The following CHST5 variants were observed in gnomAD, a reference collection of about 807,000 sequenced individuals.
CHST5 encodes the protein carbohydrate sulfotransferase 5.
For synonymous variants in CHST5, 313 were observed against 279.2 expected (o/e 1.12, Z -1.21); for missense variants, 637 against 602.1 (o/e 1.06, Z -0.61).
intron 2 of CHST5, 31 bp from the exon 3 acceptor site, chr16:75,533,214 G>T (rs997986571): frequency 1.9e-5 from 13 of 702,284 alleles, no homozygotes; most frequent in Non-Finnish European, 3.4e-5. Flanking sequence ...CAGCACAGTG[G>T]ACAATTGGCC....
At chr16:75,535,088 G>A (rs557047862) in intron 2 of CHST5, 39 bp downstream of exon 2, 6 of 152,558 alleles carry the variant, frequency 3.9e-5, no homozygotes, top group African/African-American at 1.4e-4. Flanking sequence ...CCAACCGAGT[G>A]TGGGGACACC....
chr16:75,533,632 G>T (rs951111631), intron 2 of CHST5, among the ~76,000 whole-genome samples: 1 of 152,146 alleles, frequency 6.6e-6, no homozygotes, highest in African/African-American at 2.4e-5. Context: ...GGGCATCGCA[G>T]ACTTGGCCTC....
chr16:75,533,029 G>A (rs2080536264), intron 3 of CHST5, 60 bp downstream of exon 3: 1 of 666,146 alleles, frequency 1.5e-6, no homozygotes, highest in South Asian at 1.6e-5. Flanking sequence ...AGTTGTCCTG[G>A]CCAGCCCAGC....
intron 2 of CHST5, 87 bp downstream of exon 2, chr16:75,535,040 A>C (rs1286554807): frequency 2.6e-5 from 4 of 152,458 alleles, no homozygotes; most frequent in African/African-American, 9.6e-5. Flanking sequence ...TGCAGGACAG[A>C]GGAGCGTCAC....
intron 3 of CHST5, among the ~76,000 whole-genome samples, chr16:75,532,321 G>C (rs1179013629): frequency 3.3e-5 from 5 of 152,178 alleles, no homozygotes; most frequent in Admixed American, 1.3e-4. Flanking sequence ...AAGGAACACT[G>C]AGCCAGCCTC....
At chr16:75,532,972 G>C in intron 3 of CHST5, 117 bp downstream of exon 3, 1 of 565,344 alleles carries the variant, frequency 1.8e-6, no homozygotes, top group African/African-American at 1.9e-5. Context: ...TCCCACCTGT[G>C]ATTGCCCCCT....
rs747873201 is a variant in CHST5, at chr16:75,529,765, T to C, written c.620A>G (p.Tyr207Cys). ...GAGCGCGGGGTCGCTGAGCAGCGGG[T>C]AGAGCACCTGCAGGTTGAAGAAGCG... ...EVRFFNLQVL[Y>C]PLLSDPALNL... The change falls in exon 4 of 4, where the codon TAC (tyrosine) becomes TGC (cysteine). Residue 207 changes from tyrosine to cysteine, a missense_variant. Transcript: ENST00000336257. 1.2e-6 allele frequency: 2 copies of C among 1,613,136 alleles called. No individual in the cohort carries two copies. The highest frequency in any genetic ancestry group is 1.7e-6 in the Non-Finnish European group (2 of 1,179,802).
chr16:75,529,906 A>C lies in CHST5; in HGVS notation c.479T>G (p.Phe160Cys). The change falls in exon 4 of 4, where the codon TTT becomes TGT. Residue 160 changes from phenylalanine to cysteine, a missense_variant. Coordinates refer to ENST00000336257, the MANE Select transcript of CHST5 (RefSeq NM_024533.5). Reference protein sequence around the residue: ...ALCSPPACSAFPRGTISKQDV... With the variant: ...ALCSPPACSACPRGTISKQDV... ...CTGCTTGCTGATGGTGCCTCGGGGA[A>C]AGGCGCTGCAGGCGGGCGGCGAGCA... 1 of 1,613,446 alleles carries C rather than the reference A, an allele frequency of 6.2e-7. No homozygotes were observed. The highest frequency in any genetic ancestry group is 1.6e-4 in the Middle Eastern group (1 of 6,062).
chr16:75,530,773 G>A lies in CHST5; in HGVS notation c.-389C>T, dbSNP rs1397558016. The A allele has an allele frequency of 9.6e-7, 1 of 1,041,540 alleles. No individual in the cohort carries two copies. The highest frequency in any genetic ancestry group is 1.2e-6 in the Non-Finnish European group (1 of 855,280). 64.5% of individuals were successfully genotyped at this position (1,041,540 alleles called of 1,614,324 possible). On this transcript the variant is annotated 5_prime_UTR_variant, in exon 4 of 4. Coordinates refer to ENST00000336257, the MANE Select transcript of CHST5 (RefSeq NM_024533.5). ...GTCAGAGCACCACCAGGCTCGCCGA[G>A]GTTGAATCCTGGCTCTGCCACTTCC... is the stretch of plus-strand genomic sequence containing the variant.
At position 75,529,687 on chromosome 16, in the gene CHST5, C is replaced by T; in HGVS notation, c.698G>A (p.Arg233Gln). The stretch of plus-strand genomic sequence containing the variant: ...TGCCAGTATCGGGCCCGCCGCCTCC[C>T]GGGAGCGCAGCACGGCCCGCGGGTC... ...VRDPRAVLRS[R>Q]EAAGPILARD... The change falls in exon 4 of 4, where the codon CGG becomes CAG. Residue 233 changes from arginine (R) to glutamine (Q), a missense_variant. Coordinates refer to ENST00000336257, the MANE Select transcript of CHST5 (RefSeq NM_024533.5). 6.2e-7 allele frequency: 1 copy of T among 1,610,432 alleles called. No individual in the cohort carries two copies. Among genetic ancestry groups the T allele is most frequent in the Non-Finnish European group, 8.5e-7 (1 of 1,178,444 alleles).
At position 75,529,115 on chromosome 16, in the gene CHST5, C is replaced by T. The variant is rs2151689762; in HGVS notation, c.*34G>A. ...GCAGTCGCCTCCTGGGCCTGGCGACCACAGTTCGGGGCCTGCTCTAAGGCC... is the reference window on the plus strand; with the variant it reads ...GCAGTCGCCTCCTGGGCCTGGCGACTACAGTTCGGGGCCTGCTCTAAGGCC... On this transcript the variant is annotated 3_prime_UTR_variant, in exon 4 of 4. Coordinates refer to ENST00000336257, the MANE Select transcript of CHST5 (RefSeq NM_024533.5). 1 of 1,519,226 alleles carries T rather than the reference C, an allele frequency of 6.6e-7. No individual in the cohort carries two copies. The highest frequency in any genetic ancestry group is 2.3e-5 in the East Asian group (1 of 43,956). 94.1% of individuals were successfully genotyped at this position (1,519,226 alleles called of 1,614,324 possible).
At chr16:75,532,085 T>C (rs1029370865) in intron 3 of CHST5, among the ~76,000 whole-genome samples, 1 of 152,140 alleles carries the variant, frequency 6.6e-6, no homozygotes, top group Non-Finnish European at 1.5e-5. Flanking sequence ...GGGGAGGGCC[T>C]GGGGAAGCAT....
chr16:75,528,900 G>GGT lies in CHST5; in HGVS notation c.*247_*248dup, dbSNP rs901141644. 5.1e-5 allele frequency: 23 copies of GGT among 450,140 alleles called. No homozygotes were observed. Among genetic ancestry groups the GGT allele is most frequent in the Non-Finnish European group, 8.2e-5 (21 of 254,984 alleles). The allele number at this position is 450,140 out of a possible 1,614,324, so 27.9% of individuals were successfully genotyped here. On this transcript the variant is annotated 3_prime_UTR_variant, in exon 4 of 4. Transcript: ENST00000336257. ...TAACTTACTCCCTGCGCCCAGAAGA[G>GGT]GTAGGGGCAAGAGTTGCTTTCCATG...
chr16:75,530,659 A>T lies in CHST5; in HGVS notation c.-275T>A. ...TAGAGAGAAATACTATGTTTCAAAG[A>T]GAACTCCTGTCTTTTGCTTCAGGAT... On this transcript the variant is annotated 5_prime_UTR_variant, in exon 4 of 4. Transcript: ENST00000336257. 3.1e-6 allele frequency: 4 copies of T among 1,301,812 alleles called. No homozygotes were observed. Among genetic ancestry groups the T allele is most frequent in the Non-Finnish European group, 3.9e-6 (4 of 1,017,760 alleles). The allele number at this position is 1,301,812 out of a possible 1,614,324, so 80.6% of individuals were successfully genotyped here.
chr16:75,533,231 G>A (rs2151692512), intron 2 of CHST5, 48 bp from the exon 3 acceptor site: 1 of 702,366 alleles, frequency 1.4e-6, no homozygotes, highest in South Asian at 1.5e-5. Context: ...GGCCAAGGGT[G>A]CAAAGTTAGG....
chr16:75,533,523 C>A (rs149195079), intron 2 of CHST5, among the ~76,000 whole-genome samples: 7 of 152,194 alleles, frequency 4.6e-5, no homozygotes, highest in Admixed American at 4.6e-4. Context: ...TAAATTCTTC[C>A]GTTTTTTGAT....
Position 75,529,049 on chromosome 16 carries a change from G to A in CHST5, c.*100C>T, listed in dbSNP as rs1032421635. 34 of 1,315,476 alleles carry A rather than the reference G, an allele frequency of 2.6e-5. No individual in the cohort carries two copies. Among genetic ancestry groups the A allele is most frequent in the Non-Finnish European group, 3.5e-5 (34 of 979,034 alleles). The allele number at this position is 1,315,476 out of a possible 1,614,324, so 81.5% of individuals were successfully genotyped here. Reference sequence around the variant, plus strand: ...GACCCCAAACTCCCGGTTGATAGTAGGGACCTGCTTCCCCATGCGCCCCAG... The same window carrying A: ...GACCCCAAACTCCCGGTTGATAGTAAGGACCTGCTTCCCCATGCGCCCCAG... On this transcript the variant is annotated 3_prime_UTR_variant, in exon 4 of 4. Coordinates refer to ENST00000336257, the MANE Select transcript of CHST5 (RefSeq NM_024533.5).
chr16:75,533,013 A>C, intron 3 of CHST5, 76 bp downstream of exon 3: 1 of 645,714 alleles, frequency 1.5e-6, no homozygotes, highest in South Asian at 1.7e-5. Context: ...GCTCTGGCCC[A>C]AACACAGTTG....
intron 2 of CHST5, among the ~76,000 whole-genome samples, chr16:75,533,396 G>A (rs2080539199): frequency 6.6e-6 from 1 of 152,084 alleles, no homozygotes; most frequent in Non-Finnish European, 1.5e-5. Context: ...GAAAGAGGCA[G>A]GGCAGGGGCT....
Sources: allele counts gnomAD v4.1 joint callset (sites outside exome capture counted in the v4.1 genomes callset), GRCh38; gene constraint gnomAD v4.1.1; transcripts MANE v1.5; gene names NCBI Gene and HGNC (gene_info 2026-07-23, HGNC 2026-07-21).